The following RPTOR variants were observed in gnomAD, a reference collection of about 807,000 sequenced individuals.
RPTOR encodes the protein regulatory-associated protein of mTOR.
Under a neutral mutation model 169.9 loss-of-function variants are expected in RPTOR, and 21 were observed. The observed-to-expected ratio is 0.12, with a 90% CI of 0.09 to 0.18. RPTOR has a LOEUF of 0.18. RPTOR is among the 10% of genes least tolerant of loss of function. The probability of loss-of-function intolerance (pLI) is 1.00; values close to 1 mark genes in which losing one functional copy is unlikely to be tolerated. For synonymous variants in RPTOR, 732 were observed against 753.2 expected, an observed-to-expected ratio of 0.97 and a Z score of 0.46; for missense variants, 1,133 against 1,855.9, an observed-to-expected ratio of 0.61 and a Z score of 7.16.
Position 80,823,169 on chromosome 17 carries a change from A to G in RPTOR, c.1082A>G (p.Asn361Ser), listed in dbSNP as rs1567931518. The G allele has an allele frequency of 3.1e-6, 5 of 1,613,988 alleles. No homozygotes were observed. Among genetic ancestry groups the G allele is most frequent in the Non-Finnish European group, 4.2e-6 (5 of 1,180,014 alleles). Residue 361 changes from asparagine to serine, a missense_variant, in exon 9 of 34, where the codon AAC (asparagine) becomes AGC (serine). Around this residue, in one of 9 missense-constraint regions of RPTOR, gnomAD observed 289 missense variants for 585.8 expected, o/e 0.49. Coordinates refer to ENST00000306801, the MANE Select transcript of RPTOR (RefSeq NM_020761.3). This position sits in a 1 kb window ranked among gnomAD's most constrained non-coding sequence, Gnocchi z 4.5. The part of the protein sequence containing the change: ...LLAERIMRSY[N>S]CTPVSSPRLP... Reference sequence around the variant, plus strand: ...GCGGAAAGGATTATGAGGTCGTATAACTGCACTCCCGTCAGCAGCCCGCGT... The same window carrying G: ...GCGGAAAGGATTATGAGGTCGTATAGCTGCACTCCCGTCAGCAGCCCGCGT...
intron 3 of RPTOR, among the ~76,000 whole-genome samples, chr17:80,697,184 C>T (rs1271989550): frequency 5.3e-5 from 8 of 152,178 alleles, no homozygotes; most frequent in Admixed American, 5.2e-4. Flanking sequence ...GGGCGGTCCC[C>T]CCACCCGAAG....
intron 24 of RPTOR, among the ~76,000 whole-genome samples, chr17:80,929,446 A>G (rs2068848655): frequency 6.9e-6 from 1 of 145,778 alleles, no homozygotes; most frequent in African/African-American, 2.5e-5. Flanking sequence ...TTAGTTTTGC[A>G]ATTTAAAACA....
intron 6 of RPTOR, among the ~76,000 whole-genome samples, chr17:80,789,419 T>C (rs1218134166): frequency 6.6e-6 from 1 of 152,190 alleles, no homozygotes; most frequent in Non-Finnish European, 1.5e-5. Flanking sequence ...TCAAGCCCTG[T>C]AGTTTGGCAG....
intron 28 of RPTOR, among the ~76,000 whole-genome samples, chr17:80,955,453 C>T (rs1247406342): frequency 1.3e-5 from 2 of 152,130 alleles, no homozygotes; most frequent in Non-Finnish European, 1.5e-5. Context: ...CCTGTAAAAG[C>T]CTTTCAGAGA....
At chr17:80,828,860 T>C (rs1227539579) in intron 9 of RPTOR, among the ~76,000 whole-genome samples, 2 of 151,226 alleles carry the variant, frequency 1.3e-5, no homozygotes, top group African/African-American at 4.9e-5. Context: ...TAAAAGAAAA[T>C]GTAAGCAGTC....
At chr17:80,765,481 C>T (rs182731715) in intron 6 of RPTOR, among the ~76,000 whole-genome samples, 7 of 152,298 alleles carry the variant, frequency 4.6e-5, no homozygotes, top group African/African-American at 1.4e-4. Flanking sequence ...TAGCATTTGT[C>T]GAGCGTCACT....
chr17:80,675,783 T>C (rs1431072057), intron 3 of RPTOR, among the ~76,000 whole-genome samples: 1 of 152,210 alleles, frequency 6.6e-6, no homozygotes, highest in Non-Finnish European at 1.5e-5. Flanking sequence ...TGCCCCTGCC[T>C]GCTTGTCTGC....
intron 20 of RPTOR, among the ~76,000 whole-genome samples, chr17:80,908,260 G>C (rs2068568995): frequency 6.6e-6 from 1 of 152,224 alleles, no homozygotes; most frequent in Non-Finnish European, 1.5e-5. Flanking sequence ...TGAGTCGGGA[G>C]AGGCTTAGGG....
chr17:80,963,218 G>A (rs1415263222), intron 33 of RPTOR, among the ~76,000 whole-genome samples, 161 bp downstream of exon 33: 2 of 152,094 alleles, frequency 1.3e-5, no homozygotes, highest in African/African-American at 4.8e-5. Flanking sequence ...GGATCTCTAG[G>A]GCCCCTGCCC....
intron 6 of RPTOR, among the ~76,000 whole-genome samples, chr17:80,787,627 C>G (rs2067006762): frequency 6.6e-6 from 1 of 152,198 alleles, no homozygotes; most frequent in Admixed American, 6.5e-5. Flanking sequence ...CCATTTTACA[C>G]TCCTACAGTG....
At position 80,822,190 on chromosome 17, in the gene RPTOR, T is replaced by C; in HGVS notation, c.891-11T>C. 4 of 1,613,546 alleles carry C rather than the reference T, an allele frequency of 2.5e-6. No homozygotes were observed. The highest frequency in any genetic ancestry group is 2.5e-6 in the Non-Finnish European group (3 of 1,179,564). Reference sequence around the variant, plus strand: ...GTGGCATCACTCATGAGAACGCCCCTTGTTTTCTAGGATCCCTGGCCGCCT... The same window carrying C: ...GTGGCATCACTCATGAGAACGCCCCCTGTTTTCTAGGATCCCTGGCCGCCT... On this transcript the variant is annotated splice_polypyrimidine_tract_variant and intron_variant, in intron 7 of 33. Transcript: ENST00000306801.
chr17:80,615,100 C>T (rs150072739), intron 1 of RPTOR, among the ~76,000 whole-genome samples: 1 of 152,156 alleles, frequency 6.6e-6, no homozygotes, highest in African/African-American at 2.4e-5. Flanking sequence ...ATATCTGAGT[C>T]TGTTCCCGCC....
intron 4 of RPTOR, among the ~76,000 whole-genome samples, chr17:80,722,113 A>G (rs2066291621): frequency 6.6e-6 from 1 of 151,252 alleles, no homozygotes; most frequent in Non-Finnish European, 1.5e-5. Context: ...AAAATAAACA[A>G]TAAAAGTTCT....
intron 4 of RPTOR, among the ~76,000 whole-genome samples, chr17:80,729,262 G>A (rs1235110579): frequency 6.6e-6 from 1 of 152,190 alleles, no homozygotes; most frequent in Admixed American, 6.5e-5. Context: ...AGGATATGTG[G>A]CTTAGCTGCT....
At chr17:80,800,995 G>A (rs1190357865) in intron 7 of RPTOR, among the ~76,000 whole-genome samples, 1 of 152,234 alleles carries the variant, frequency 6.6e-6, no homozygotes, top group African/African-American at 2.4e-5. Flanking sequence ...GTGGCCCAGG[G>A]ACAGCAGGTG....
intron 21 of RPTOR, among the ~76,000 whole-genome samples, chr17:80,912,529 C>T (rs904680271): frequency 5.9e-5 from 9 of 152,106 alleles, no homozygotes; most frequent in Admixed American, 1.3e-4. Context: ...CTATTAAGTG[C>T]GTTCCTGTGG....
At chr17:80,930,537 T>C (rs947809972) in intron 24 of RPTOR, among the ~76,000 whole-genome samples, 1 of 704 alleles carries the variant, frequency 1.4e-3, no homozygotes, top group African/African-American at 4.2e-3. Context: ...TTCAGTCTGC[T>C]GTGGGCTTCA....
chr17:80,854,927 C>G (rs1171695833), intron 11 of RPTOR, among the ~76,000 whole-genome samples: 2 of 152,160 alleles, frequency 1.3e-5, no homozygotes, highest in African/African-American at 2.4e-5. Context: ...AAAGTAGGAA[C>G]ATTTTGATGA....
At chr17:80,751,246 C>T (rs1283304926) in intron 5 of RPTOR, among the ~76,000 whole-genome samples, 5 of 152,066 alleles carry the variant, frequency 3.3e-5, no homozygotes, top group Admixed American at 2.6e-4. Flanking sequence ...TTCGTGTTGG[C>T]GTCGTAGGTG....
Sources: allele counts gnomAD v4.1 joint callset (sites outside exome capture counted in the v4.1 genomes callset), GRCh38; gene constraint gnomAD v4.1.1; regional missense constraint gnomAD v4.1.1; non-coding constraint Gnocchi (gnomAD v3.1); transcripts MANE v1.5; gene names NCBI Gene and HGNC (gene_info 2026-07-23, HGNC 2026-07-21).